The following PAIP2B variants were observed in gnomAD, a reference collection of about 807,000 sequenced individuals.
PAIP2B encodes the protein polyadenylate-binding protein-interacting protein 2B.
A neutral mutation model predicts 17.0 loss-of-function variants in PAIP2B; 13 were observed. That is an observed-to-expected ratio of 0.76 (90% CI 0.50 to 1.22). PAIP2B has a LOEUF of 1.22. Ranked by LOEUF, PAIP2B falls within the 50% of genes most tolerant of loss-of-function variation. The pLI is 0.00. For synonymous variants in PAIP2B, 43 were observed against 48.7 expected, an observed-to-expected ratio of 0.88 and a Z score of 0.48; for missense variants, 117 against 144.5, an observed-to-expected ratio of 0.81 and a Z score of 0.98.
chr2:71,202,669 C>G, intron 1 of PAIP2B, 69 bp from the exon 2 acceptor site: 1 of 1,288,832 alleles, frequency 7.8e-7, no homozygotes, highest in Non-Finnish European at 1.1e-6. Context: ...CTAAAACATG[C>G]AGATTCTGTC....
At chr2:71,203,612 T>C (rs1376505038) in intron 1 of PAIP2B, among the ~76,000 whole-genome samples, 2 of 152,104 alleles carry the variant, frequency 1.3e-5, no homozygotes, top group Admixed American at 6.5e-5. Context: ...TACTGGCCAT[T>C]TATATTTCTT....
intron 1 of PAIP2B, among the ~76,000 whole-genome samples, chr2:71,217,691 C>T (rs1193182346): frequency 6.6e-6 from 1 of 152,122 alleles, no homozygotes; most frequent in Admixed American, 6.6e-5. Context: ...AGTCCTCAAA[C>T]CTCAGATGGT....
chr2:71,189,930 C>T lies in PAIP2B; in HGVS notation c.230G>A (p.Arg77Gln), dbSNP rs1219186375. 4.4e-6 allele frequency: 7 copies of T among 1,603,482 alleles called. No individual in the cohort carries two copies. The highest frequency in any genetic ancestry group is 2.7e-5 in the African/African-American group (2 of 74,738). The change falls in exon 3 of 4, where the codon CGA (arginine) becomes CAA (glutamine). Residue 77 changes from arginine to glutamine, a missense_variant. Physicochemically the swap from Arg to Gln is conservative, Grantham distance 43 (BLOSUM62 1). Transcript: ENST00000244221. ...CTGTCCCATGGCCTGAGGCAGGTCT[C>T]GTGAGGGAATAAACCAGTCTTGGTC... is the stretch of plus-strand genomic sequence containing the variant. ...EEDQDWFIPS[R>Q]DLPQAMGQLQ... is the part of the protein sequence containing the mutation.
At chr2:71,207,307 C>T (rs939669895) in intron 1 of PAIP2B, among the ~76,000 whole-genome samples, 2 of 151,860 alleles carry the variant, frequency 1.3e-5, no homozygotes, top group Non-Finnish European at 1.5e-5. Context: ...GAGAAAATGA[C>T]GTACAATGAA....
rs1674462610 is a variant in PAIP2B at position 71,183,823 on chromosome 2, G to C, written c.*4656C>G. On this transcript the variant is annotated 3_prime_UTR_variant, in exon 4 of 4. Coordinates refer to ENST00000244221, the MANE Select transcript of PAIP2B (RefSeq NM_020459.1). ...GGATCTTATTGGGAGGGATAAAAATGTTCTAAAACTGAGTAATAGTTACAG... is the reference window on the plus strand; with the variant it reads ...GGATCTTATTGGGAGGGATAAAAATCTTCTAAAACTGAGTAATAGTTACAG... 1 of 152,198 alleles carries C rather than the reference G, an allele frequency of 6.6e-6. No homozygotes were observed. Among genetic ancestry groups the C allele is most frequent in the South Asian group, 2.1e-4 (1 of 4,836 alleles). 9.4% of individuals were successfully genotyped at this position (152,198 alleles called of 1,614,324 possible). A position where few individuals can be genotyped will look rare whatever the true frequency, so the allele number is the denominator to read the frequency against.
At chr2:71,226,540 C>T (rs1342454971) in intron 1 of PAIP2B, among the ~76,000 whole-genome samples, 1 of 152,128 alleles carries the variant, frequency 6.6e-6, no homozygotes, top group African/African-American at 2.4e-5. Context: ...GGGGATGCCG[C>T]GCGGGTCAAT....
intron 2 of PAIP2B, among the ~76,000 whole-genome samples, chr2:71,191,655 C>T (rs750579411): frequency 5.9e-5 from 9 of 152,206 alleles, no homozygotes; most frequent in Non-Finnish European, 1.3e-4. Flanking sequence ...CAAAATGTTC[C>T]CACAAGGGAC....
intron 2 of PAIP2B, among the ~76,000 whole-genome samples, chr2:71,194,285 T>A (rs1674759805): frequency 6.6e-6 from 1 of 152,220 alleles, no homozygotes; most frequent in South Asian, 2.1e-4. Context: ...AGGAATAGCA[T>A]TGAATCTGTA....
At position 71,186,579 on chromosome 2, in the gene PAIP2B, A is replaced by G. The variant is rs1245429008; in HGVS notation, c.*1900T>C. ...GACAGGCTCACGAGGATGAAGGAGG[A>G]AAAGCAGTCCCAGAAGGGAGAGATT... On this transcript the variant is annotated 3_prime_UTR_variant, in exon 4 of 4. Coordinates refer to ENST00000244221, the MANE Select transcript of PAIP2B (RefSeq NM_020459.1). 6.6e-6 allele frequency: 1 copy of G among 152,248 alleles called. No homozygotes were observed. 9.4% of individuals were successfully genotyped at this position (152,248 alleles called of 1,614,324 possible). A position where few individuals can be genotyped will look rare whatever the true frequency, so the allele number is the denominator to read the frequency against.
At chr2:71,216,870 C>CT (rs1675442562) in intron 1 of PAIP2B, among the ~76,000 whole-genome samples, 1 of 152,184 alleles carries the variant, frequency 6.6e-6, no homozygotes, top group South Asian at 2.1e-4. Flanking sequence ...TACTCTCACC[C>CT]TCCATCCAAT....
At position 71,194,850 on chromosome 2, in the gene PAIP2B, C is replaced by T. The variant is rs937018887; in HGVS notation, c.139-4829G>A. Among the ~76,000 whole-genome samples, 41 of 152,108 alleles carry T rather than the reference C, an allele frequency of 2.7e-4. 1 individual carries two copies. Among genetic ancestry groups the T allele is most frequent in the Admixed American group, 2.4e-3 (36 of 15,270 alleles). On this transcript the variant is annotated intron_variant, in intron 2 of 3. Coordinates refer to ENST00000244221, the MANE Select transcript of PAIP2B (RefSeq NM_020459.1). ...TCCAGCTTTGGCTCATTCAGTATAA[C>T]GTTGGCTGTGGGTTTGTCATAGATG...
chr2:71,217,841 G>T (rs13406418), intron 1 of PAIP2B, among the ~76,000 whole-genome samples: 1 of 151,948 alleles, frequency 6.6e-6, no homozygotes, highest in Non-Finnish European at 1.5e-5. Flanking sequence ...GCCAAGGGGG[G>T]AGATTACTTG....
rs866063741 is a variant in PAIP2B at position 71,192,265 on chromosome 2, T to A, written c.139-2244A>T. Among the ~76,000 whole-genome samples, 752 of 101,172 alleles carry A rather than the reference T, an allele frequency of 7.4e-3. 2 individuals are homozygous for A. Among genetic ancestry groups the A allele is most frequent in the South Asian group, 0.026 (55 of 2,094 alleles). The allele number at this position is 101,172 out of a possible 152,430, so 66.4% of individuals were successfully genotyped here. On this transcript the variant is annotated intron_variant, in intron 2 of 3. Coordinates refer to ENST00000244221, the MANE Select transcript of PAIP2B (RefSeq NM_020459.1). ...TATTTTGCTTCATAGATACTGCATT[T>A]TTTTTTTTTTTTTTACAAATTGAAG...
chr2:71,213,215 C>G (rs1201526140), intron 1 of PAIP2B, among the ~76,000 whole-genome samples: 2 of 152,066 alleles, frequency 1.3e-5, no homozygotes, highest in African/African-American at 4.8e-5. Flanking sequence ...GAAATTCATA[C>G]AGTGAATCCC....
At chr2:71,211,928 C>T (rs981098260) in intron 1 of PAIP2B, among the ~76,000 whole-genome samples, 1 of 152,170 alleles carries the variant, frequency 6.6e-6, no homozygotes, top group African/African-American at 2.4e-5. Flanking sequence ...ACCTTTGAGT[C>T]CTCAAGTTCC....
At chr2:71,210,095 A>G (rs187545626) in intron 1 of PAIP2B, among the ~76,000 whole-genome samples, 9 of 152,252 alleles carry the variant, frequency 5.9e-5, no homozygotes, top group African/African-American at 1.9e-4. Flanking sequence ...AAGTGCTGGG[A>G]ATTACAGGCA....
chr2:71,195,201 A>G (rs1254396289), intron 2 of PAIP2B, among the ~76,000 whole-genome samples: 1 of 152,122 alleles, frequency 6.6e-6, no homozygotes, highest in Non-Finnish European at 1.5e-5. Context: ...TTGTGTCTCT[A>G]CTAGGTTTTG....
At chr2:71,191,568 C>T (rs564101019) in intron 2 of PAIP2B, among the ~76,000 whole-genome samples, 3 of 152,364 alleles carry the variant, frequency 2.0e-5, no homozygotes, top group African/African-American at 7.2e-5. Context: ...TTTCCTTCTT[C>T]CCAGAGCACC....
chr2:71,210,417 AC>A (rs1453667430), intron 1 of PAIP2B, among the ~76,000 whole-genome samples: 2 of 152,232 alleles, frequency 1.3e-5, no homozygotes, highest in African/African-American at 4.8e-5. Context: ...ATGGACATTA[AC>A]AGAAAACAAA....
Sources: allele counts gnomAD v4.1 joint callset (sites outside exome capture counted in the v4.1 genomes callset), GRCh38; gene constraint gnomAD v4.1.1; transcripts MANE v1.5; gene names NCBI Gene and HGNC (gene_info 2026-07-23, HGNC 2026-07-21).